The following DLGAP1 variants were observed in gnomAD, a reference collection of about 807,000 sequenced individuals.
DLGAP1 encodes the protein disks large-associated protein 1.
A neutral mutation model predicts 90.8 loss-of-function variants in DLGAP1; 11 were observed. The ratio of observed to expected loss-of-function variants is 0.12; its 90% CI spans 0.08 to 0.20. The LOEUF is 0.20. Ranked by LOEUF, DLGAP1 falls within the 10% of genes least tolerant of loss-of-function variation. The pLI, the probability that DLGAP1 is intolerant of heterozygous loss-of-function variation, is 1.00. For synonymous variants in DLGAP1, 558 were observed against 540.7 expected, an observed-to-expected ratio of 1.03 and a Z score of -0.44; for missense variants, 1,050 against 1,333.8, an observed-to-expected ratio of 0.79 and a Z score of 3.31.
At chr18:3,909,231 G>A (rs1224901725) in intron 3 of DLGAP1, among the ~76,000 whole-genome samples, 7 of 152,172 alleles carry the variant, frequency 4.6e-5, no homozygotes, top group Admixed American at 2.0e-4. Flanking sequence ...TTTCCTAAGT[G>A]AGACTTTCTA....
At chr18:3,745,025 A>G (rs976880207) in intron 5 of DLGAP1, among the ~76,000 whole-genome samples, 1 of 152,248 alleles carries the variant, frequency 6.6e-6, no homozygotes, top group Non-Finnish European at 1.5e-5. Context: ...GATACATGCT[A>G]TAATATAGAT....
chr18:4,451,758 A>T (rs2083838690), intron 1 of DLGAP1, among the ~76,000 whole-genome samples: 1 of 152,208 alleles, frequency 6.6e-6, no homozygotes, highest in Admixed American at 6.5e-5. Flanking sequence ...AAGATATGGG[A>T]TGTTTTTGAA....
intron 5 of DLGAP1, among the ~76,000 whole-genome samples, chr18:3,785,582 A>G (rs986660360): frequency 1.3e-5 from 2 of 152,118 alleles, no homozygotes; most frequent in Admixed American, 1.3e-4. Context: ...CATTAGGGAG[A>G]ATGAATGGGC....
rs2059644912 is a variant in DLGAP1, at chr18:3,660,390, GTCC to G, written c.1591+68742_1591+68744del. The stretch of plus-strand genomic sequence containing the variant: ...CACATCTGCGTCCTTGTTTACCTCT[GTCC>G]TCCTCATTAGAATATAATCAGAAGG... On this transcript the variant is annotated intron_variant, in intron 7 of 12. Coordinates refer to ENST00000315677, the MANE Select transcript of DLGAP1 (RefSeq NM_004746.4). This position sits in a 1 kb window ranked among gnomAD's most constrained non-coding sequence, Gnocchi z 4.2. Among the ~76,000 whole-genome samples, 1 of 152,180 alleles carries G rather than the reference GTCC, an allele frequency of 6.6e-6. No homozygotes were observed. The highest frequency in any genetic ancestry group is 1.9e-4 in the East Asian group (1 of 5,200).
chr18:3,903,588 C>T (rs1481735469), intron 3 of DLGAP1, among the ~76,000 whole-genome samples: 2 of 152,178 alleles, frequency 1.3e-5, no homozygotes, highest in African/African-American at 4.8e-5. Flanking sequence ...ATAAAATTCT[C>T]TTAACCCTAG....
intron 7 of DLGAP1, among the ~76,000 whole-genome samples, chr18:3,589,984 C>T (rs2056137859): frequency 6.6e-6 from 1 of 152,214 alleles, no homozygotes; most frequent in African/African-American, 2.4e-5. Context: ...CGTCTCGGCT[C>T]ACTGCAACAT....
chr18:4,331,907 G>A (rs898016155), intron 1 of DLGAP1, among the ~76,000 whole-genome samples: 1 of 151,876 alleles, frequency 6.6e-6, no homozygotes. Context: ...CATACAAGAT[G>A]TCAGACACTA....
intron 4 of DLGAP1, among the ~76,000 whole-genome samples, chr18:3,818,294 G>A (rs1201711266): frequency 6.7e-6 from 1 of 149,682 alleles, no homozygotes; most frequent in Non-Finnish European, 1.5e-5. Context: ...CTAAGAAATG[G>A]CCATAATCAA....
chr18:3,993,609 G>A (rs9957800), intron 3 of DLGAP1, among the ~76,000 whole-genome samples: 91,416 of 151,974 alleles, frequency 0.6, 27,630 homozygotes, highest in Middle Eastern at 0.66. Context: ...CCCTGGTGGA[G>A]TTTCAAGCAG....
chr18:4,316,523 C>T (rs2080531881), intron 1 of DLGAP1, among the ~76,000 whole-genome samples: 1 of 152,154 alleles, frequency 6.6e-6, no homozygotes, highest in African/African-American at 2.4e-5. Flanking sequence ...AAACCACGGT[C>T]CTCTCCTATG....
At chr18:3,818,667 T>C (rs2067233096) in intron 4 of DLGAP1, among the ~76,000 whole-genome samples, 1 of 151,184 alleles carries the variant, frequency 6.6e-6, no homozygotes, top group Non-Finnish European at 1.5e-5. Flanking sequence ...AGTGGCACGA[T>C]CTTAGCTCAC....
At chr18:3,657,666 G>T (rs999921892) in intron 7 of DLGAP1, among the ~76,000 whole-genome samples, 2 of 148,926 alleles carry the variant, frequency 1.3e-5, no homozygotes, top group South Asian at 2.1e-4. Flanking sequence ...GCAGTGGCGC[G>T]ATCTCGGCTC....
intron 2 of DLGAP1, among the ~76,000 whole-genome samples, chr18:4,073,705 A>G (rs2075483691): frequency 6.6e-6 from 1 of 152,186 alleles, no homozygotes; most frequent in African/African-American, 2.4e-5. Context: ...TTTAAAAAAT[A>G]AATTAGCTGC....
rs369892109 is a variant in DLGAP1, at chr18:4,082,119, T to C, written c.-159+69061A>G. On this transcript the variant is annotated intron_variant, in intron 2 of 12. Transcript: ENST00000315677. ...ACCTTGGGAGGCTAAGGCGAGTGGA[T>C]TGCCTGAGCTCAGGAGTTCAAGACC... Among the ~76,000 whole-genome samples the C allele has an allele frequency of 5.9e-4, 89 of 151,982 alleles. 1 individual carries two copies. In the South Asian group the frequency reaches 0.018, roughly 31 times the overall value.
chr18:3,864,371 C>T (rs1191319096), intron 4 of DLGAP1, among the ~76,000 whole-genome samples: 1 of 151,976 alleles, frequency 6.6e-6, no homozygotes, highest in African/African-American at 2.4e-5. Flanking sequence ...CTTAGAAGTC[C>T]CTGTTAAGTG....
chr18:3,935,253 C>T (rs561694186), intron 3 of DLGAP1, among the ~76,000 whole-genome samples: 102 of 152,196 alleles, frequency 6.7e-4, no homozygotes, highest in Middle Eastern at 3.4e-3. Flanking sequence ...TACTATACAC[C>T]GCTCCTTAGG....
intron 1 of DLGAP1, among the ~76,000 whole-genome samples, chr18:4,203,904 G>T (rs1261053069): frequency 6.6e-6 from 1 of 152,192 alleles, no homozygotes; most frequent in Non-Finnish European, 1.5e-5. Flanking sequence ...AGGTCAGAAA[G>T]AACTCAGAAG....
chr18:4,010,941 C>T (rs948426946), intron 2 of DLGAP1, among the ~76,000 whole-genome samples: 3 of 151,240 alleles, frequency 2.0e-5, no homozygotes, highest in Non-Finnish European at 3.0e-5. Flanking sequence ...TTTGGGAGGC[C>T]GAGGCGAGTA....
intron 1 of DLGAP1, among the ~76,000 whole-genome samples, chr18:4,423,565 A>C (rs1450221389): frequency 6.6e-6 from 1 of 152,130 alleles, no homozygotes; most frequent in African/African-American, 2.4e-5. Context: ...ATCTAAAAGA[A>C]ATTTTTCAAG....
Sources: gnomAD v4.1 joint callset for allele counts (sites outside exome capture counted in the v4.1 genomes callset) on GRCh38, gnomAD v4.1.1 for gene constraint, Gnocchi (gnomAD v3.1) non-coding constraint, MANE v1.5 for transcripts, NCBI Gene and HGNC (gene_info 2026-07-23, HGNC 2026-07-21) for gene names.